Variants in HEMK2 observed in about 807,000 individuals in gnomAD.
The protein encoded by HEMK2 is methyltransferase HEMK2.
the HEMK2 span, among the ~76,000 whole-genome samples, chr21:28,656,137 G>A: frequency 3.9e-5 from 6 of 152,196 alleles, no homozygotes; most frequent in African/African-American, 1.4e-4. Flanking sequence ...ATGCAGCAAT[G>A]AAGGTTTAGA....
chr21:28,680,476 G>C, the HEMK2 span, among the ~76,000 whole-genome samples: 1 of 152,134 alleles, frequency 6.6e-6, no homozygotes, highest in African/African-American at 2.4e-5. Flanking sequence ...AGAGGTACAA[G>C]GAGGAGCTGG....
the HEMK2 span, among the ~76,000 whole-genome samples, chr21:28,783,059 T>A: frequency 6.6e-6 from 1 of 152,176 alleles, no homozygotes; most frequent in Admixed American, 6.5e-5. Context: ...AACAGAAGTA[T>A]TTTGGATTTT....
the HEMK2 span, among the ~76,000 whole-genome samples, chr21:28,585,819 C>G: frequency 6.6e-6 from 1 of 151,972 alleles, no homozygotes; most frequent in Non-Finnish European, 1.5e-5. Context: ...AAAATTTTAC[C>G]AGATTATTGA....
the HEMK2 span, among the ~76,000 whole-genome samples, chr21:28,861,899 G>A: frequency 3.1e-3 from 478 of 152,206 alleles, 5 homozygotes; most frequent in African/African-American, 0.011. Context: ...TCCTGTTCCC[G>A]CCACATTACG....
the HEMK2 span, among the ~76,000 whole-genome samples, chr21:28,660,608 A>G: frequency 6.6e-6 from 1 of 152,002 alleles, no homozygotes; most frequent in Admixed American, 6.6e-5. Context: ...CTAGAACATA[A>G]AAAAACTTAA....
the HEMK2 span, among the ~76,000 whole-genome samples, chr21:28,641,546 CAAT>C: frequency 5.3e-5 from 8 of 152,094 alleles, no homozygotes; most frequent in African/African-American, 1.9e-4. Context: ...TCAAAAGAGA[CAAT>C]GATGGATAGA....
chr21:28,714,952 T>C, the HEMK2 span, among the ~76,000 whole-genome samples: 1 of 152,212 alleles, frequency 6.6e-6, no homozygotes, highest in Non-Finnish European at 1.5e-5. Context: ...CCATCCACAC[T>C]GCTGCAATCA....
chr21:28,752,588 C>T, the HEMK2 span, among the ~76,000 whole-genome samples: 4 of 152,206 alleles, frequency 2.6e-5, no homozygotes, highest in Non-Finnish European at 5.9e-5. Context: ...AAGACAGACC[C>T]TTCCAGCTGT....
chr21:28,678,740 C>T, the HEMK2 span, among the ~76,000 whole-genome samples: 1 of 152,150 alleles, frequency 6.6e-6, no homozygotes, highest in East Asian at 1.9e-4. Flanking sequence ...GGCCAATGTC[C>T]AACATTCTTA....
chr21:28,878,698 G>A, the HEMK2 span, among the ~76,000 whole-genome samples: 127,945 of 151,598 alleles, frequency 0.84, 54,415 homozygotes, highest in South Asian at 0.93. Flanking sequence ...ATTGCCCTGC[G>A]TATATCAAGG....
chr21:28,690,833 A>C, the HEMK2 span, among the ~76,000 whole-genome samples: 3 of 152,060 alleles, frequency 2.0e-5, no homozygotes, highest in Non-Finnish European at 2.9e-5. Context: ...ATCTCCCTCC[A>C]TCTCCTTCTT....
chr21:28,683,589 A>G, the HEMK2 span, among the ~76,000 whole-genome samples: 1 of 152,230 alleles, frequency 6.6e-6, no homozygotes, highest in African/African-American at 2.4e-5. Flanking sequence ...CAATGTTTAC[A>G]CACCTAGTCA....
At chr21:28,783,045 T>G in the HEMK2 span, among the ~76,000 whole-genome samples, 1 of 152,200 alleles carries the variant, frequency 6.6e-6, no homozygotes, top group African/African-American at 2.4e-5. Context: ...CCAAAATGCT[T>G]GGGAACAGAA....
At chr21:28,598,198 T>C in the HEMK2 span, among the ~76,000 whole-genome samples, 1 of 152,186 alleles carries the variant, frequency 6.6e-6, no homozygotes, top group Non-Finnish European at 1.5e-5. Flanking sequence ...CTCTGAGCCT[T>C]TGAAAGTTTC....
At chr21:28,825,104 C>T in the HEMK2 span, among the ~76,000 whole-genome samples, 1 of 152,114 alleles carries the variant, frequency 6.6e-6, no homozygotes, top group South Asian at 2.1e-4. Context: ...GTGGGACAAT[C>T]TAAAGATCCA....
the HEMK2 span, among the ~76,000 whole-genome samples, chr21:28,739,191 T>C: frequency 1.3e-5 from 2 of 152,178 alleles, no homozygotes; most frequent in African/African-American, 4.8e-5. Flanking sequence ...CCTGAAACAT[T>C]TCCTCCCTCT....
the HEMK2 span, among the ~76,000 whole-genome samples, chr21:28,722,361 G>T: frequency 6.6e-6 from 1 of 152,166 alleles, no homozygotes. Context: ...AACCAAGCCA[G>T]CAGGAACAGG....
the HEMK2 span, among the ~76,000 whole-genome samples, chr21:28,852,871 TCACAC>T: frequency 6.6e-6 from 1 of 152,164 alleles, no homozygotes; most frequent in Non-Finnish European, 1.5e-5. Flanking sequence ...TCAACATAAG[TCACAC>T]TATTCTGATT....
chr21:28,654,831 G>A, the HEMK2 span, among the ~76,000 whole-genome samples: 1 of 152,080 alleles, frequency 6.6e-6, no homozygotes, highest in Non-Finnish European at 1.5e-5. Context: ...TAAAAACAGA[G>A]GTTTGGCAGC....
Sources: allele counts gnomAD v4.1 joint callset (sites outside exome capture counted in the v4.1 genomes callset), GRCh38; gene constraint gnomAD v4.1.1; transcripts MANE v1.5; gene names NCBI Gene and HGNC (gene_info 2026-07-23, HGNC 2026-07-21).